Variants in PDE4DIP observed in about 807,000 individuals in gnomAD.
PDE4DIP encodes the protein phosphodiesterase 4D interacting protein.
In PDE4DIP, 59 loss-of-function variants were observed where a neutral mutation model predicts 221.4. That is an observed-to-expected ratio of 0.27 (90% confidence interval 0.22 to 0.33). The LOEUF (loss-of-function observed/expected upper bound fraction) is 0.33, where lower values mean the gene tolerates loss of function less well. Ranked by LOEUF, PDE4DIP falls within the 10% of genes least tolerant of loss-of-function variation. The pLI, the probability that PDE4DIP is intolerant of heterozygous loss-of-function variation, is 1.00. For missense variants in PDE4DIP, 1,036 were observed against 2,154.2 expected (o/e 0.48, Z 10.28); for synonymous variants, 404 against 815.9 (o/e 0.50, Z 8.60).
At chr1:148,922,748 C>T (rs587694049) in intron 1 of PDE4DIP, among the ~76,000 whole-genome samples, 160 of 149,388 alleles carry the variant, frequency 1.1e-3, no homozygotes, top group African/African-American at 3.6e-3. Context: ...CCACCACACC[C>T]GGCTAATTTT....
chr1:149,028,772 C>G (rs1553632994), intron 41 of PDE4DIP, 69 bp downstream of exon 44: 1 of 851,910 alleles, frequency 1.2e-6, no homozygotes, highest in Non-Finnish European at 1.9e-6. Context: ...TCTGTCTCCT[C>G]AATGTCACAG....
intron 1 of PDE4DIP, among the ~76,000 whole-genome samples, chr1:148,912,292 T>C (rs2042918149): frequency 6.8e-6 from 1 of 146,920 alleles, no homozygotes. Flanking sequence ...CTTGGCAGTT[T>C]GCATTGCCAC....
chr1:148,882,764 T>C (rs58025659), intron 3 of PDE4DIP, among the ~76,000 whole-genome samples: 1 of 141,042 alleles, frequency 7.1e-6, no homozygotes, highest in Admixed American at 7.2e-5. Flanking sequence ...AACATATGGA[T>C]AGAGTGTGGC....
At chr1:149,007,089 G>C in intron 27 of PDE4DIP, 112 bp from the exon 31 acceptor site, 2 of 649,622 alleles carry the variant, frequency 3.1e-6, no homozygotes, top group Non-Finnish European at 5.6e-6. Context: ...ATTCAGCTTG[G>C]GGGAGTTCCT....
intron 5 of PDE4DIP, among the ~76,000 whole-genome samples, chr1:148,949,434 T>C (rs1210167307): frequency 6.7e-6 from 1 of 149,934 alleles, no homozygotes; most frequent in Non-Finnish European, 1.5e-5. Flanking sequence ...CATTAGTGTG[T>C]TAAATTGGCA....
At chr1:148,877,339 T>C (rs1408688933) in intron 3 of PDE4DIP, among the ~76,000 whole-genome samples, 4 of 147,882 alleles carry the variant, frequency 2.7e-5, no homozygotes, top group Non-Finnish European at 5.9e-5. Flanking sequence ...AATTAGCCTA[T>C]TGCCTTCTTT....
rs1344355296 is a variant in PDE4DIP, at chr1:148,899,153, A to C, written c.141+9259A>C. The stretch of plus-strand genomic sequence containing the variant: ...GGTGGGAAAAGGCATTTCAAACAGA[A>C]GAAACAATATACAAAAGCAGAGGTG... On this transcript the variant is annotated intron_variant, in intron 1 of 43. Coordinates refer to ENST00000369354, the Ensembl canonical transcript of PDE4DIP. 6.6e-5 allele frequency among the ~76,000 whole-genome samples: 8 copies of C among 120,684 alleles called. 3 individuals carry two copies. Among genetic ancestry groups the C allele is most frequent in the Non-Finnish European group, 1.2e-4 (7 of 60,810 alleles). The allele number at this position is 120,684 out of a possible 152,430, so 79.2% of individuals were successfully genotyped here. A position where few individuals can be genotyped will look rare whatever the true frequency, so the allele number is the denominator to read the frequency against.
At chr1:148,953,112 G>A (rs2054012602) in intron 5 of PDE4DIP, 1 of 1,614,068 alleles carries the variant, frequency 6.2e-7, no homozygotes, top group Non-Finnish European at 8.5e-7. Flanking sequence ...ATCAAGGCGG[G>A]GAATGGGACG....
rs77741848 is a variant in PDE4DIP, at chr1:148,937,788, G to A, written c.560G>A (p.Arg187Lys). 4.9e-3 allele frequency: 5,262 copies of A among 1,063,668 alleles called. 157 individuals are homozygous for A. In the African/African-American group the frequency reaches 0.073, roughly 15 times the overall value. 65.9% of individuals were successfully genotyped at this position (1,063,668 alleles called of 1,614,324 possible). A position where few individuals can be genotyped will look rare whatever the true frequency, so the allele number is the denominator to read the frequency against. Reference sequence around the variant, plus strand: ...AATCAGAGCCTGGCTGCCCAGGAGAGGCTTGTAGAACAGCTATCTCGGGAG... The same window carrying A: ...AATCAGAGCCTGGCTGCCCAGGAGAAGCTTGTAGAACAGCTATCTCGGGAG... Residue 187 changes from arginine (R) to lysine (K), a missense_variant, in exon 5 of 44, where the codon AGG becomes AAG. Transcript: ENST00000369354.
At chr1:148,919,235 A>T (rs2150122180) in intron 1 of PDE4DIP, among the ~76,000 whole-genome samples, 1 of 150,714 alleles carries the variant, frequency 6.6e-6, no homozygotes, top group South Asian at 2.1e-4. Context: ...GTCTCACATA[A>T]GCGTAAAAGA....
chr1:148,983,199 T>C (rs2061390797), intron 21 of PDE4DIP: 1 of 152,092 alleles, frequency 6.6e-6, no homozygotes, highest in East Asian at 1.9e-4. Flanking sequence ...GCCGTAGAAA[T>C]GTCAACCCAT....
In PDE4DIP at chr1:148,820,876, G is replaced by A. The variant is rs797034872; in HGVS notation, c.233+12139G>A. On this transcript the variant is annotated intron_variant, in intron 1 of 45. Coordinates refer to the PDE4DIP transcript ENST00000524974. ...TTATTTATTTATTTATTTTTGAGGCGGAGTCTCGCTGTTGCCCAGGCTGGA... is the reference window on the plus strand; with the variant it reads ...TTATTTATTTATTTATTTTTGAGGCAGAGTCTCGCTGTTGCCCAGGCTGGA... Among the ~76,000 whole-genome samples the A allele has an allele frequency of 7.0e-4, 91 of 130,816 alleles. No homozygotes were observed. The Middle Eastern group carries it at 0.019, about 28-fold the overall frequency. 85.8% of individuals were successfully genotyped at this position (130,816 alleles called of 152,430 possible).
At chr1:148,952,060 C>G (rs1232617220) in intron 5 of PDE4DIP, 2 of 1,012,086 alleles carry the variant, frequency 2.0e-6, no homozygotes, top group Non-Finnish European at 2.4e-6. Flanking sequence ...TCCGAGAATG[C>G]AGGGAGGGGA....
chr1:148,980,285 G>A (rs1392470823), intron 20 of PDE4DIP, among the ~76,000 whole-genome samples: 7 of 152,102 alleles, frequency 4.6e-5, no homozygotes, highest in Admixed American at 2.6e-4. Flanking sequence ...CCAGCTACTC[G>A]GGAAGCTGAG....
chr1:148,996,820 A>C (rs1314604365), intron 22 of PDE4DIP, among the ~76,000 whole-genome samples: 1 of 152,210 alleles, frequency 6.6e-6, no homozygotes, highest in Non-Finnish European at 1.5e-5. Context: ...GGAGATATAA[A>C]GCATATAATT....
intron 5 of PDE4DIP, among the ~76,000 whole-genome samples, chr1:148,948,215 A>G (rs1553485017): frequency 6.6e-6 from 1 of 151,684 alleles, no homozygotes; most frequent in East Asian, 1.9e-4. Flanking sequence ...TAATCATAAT[A>G]TGAAGCTTAT....
intron 19 of PDE4DIP, among the ~76,000 whole-genome samples, chr1:148,978,674 T>G (rs1490619163): frequency 1.3e-5 from 2 of 151,882 alleles, no homozygotes; most frequent in Non-Finnish European, 2.9e-5. Flanking sequence ...CCTCAAACTC[T>G]GGGGCTCAAG....
chr1:149,019,610 G>A (rs10714022), intron 35 of PDE4DIP: 8,484 of 151,504 alleles, frequency 0.056, 710 homozygotes, highest in East Asian at 0.46. Context: ...ACAGACCTCA[G>A]CAGGTGAGAA....
chr1:149,010,457 T>C (rs200814424), exon 31 of PDE4DIP: 144 of 1,613,306 alleles, frequency 8.9e-5, no homozygotes, highest in Non-Finnish European at 1.2e-4. Flanking sequence ...CATCCATCAT[T>C]CGAGTCATTC....
Sources: allele counts gnomAD v4.1 joint callset (sites outside exome capture counted in the v4.1 genomes callset), GRCh38; gene constraint gnomAD v4.1.1; transcripts MANE v1.5; gene names NCBI Gene and HGNC (gene_info 2026-07-23, HGNC 2026-07-21).